The following ATRNL1 variants were observed in gnomAD, a reference collection of about 807,000 sequenced individuals.
ATRNL1 encodes attractin-like protein 1.
A neutral mutation model predicts 182.7 loss-of-function variants in ATRNL1; 95 were observed. The observed-to-expected ratio is 0.52, with a 90% CI of 0.44 to 0.62. The LOEUF is 0.62. Ranked by LOEUF, ATRNL1 falls within the 20% of genes least tolerant of loss-of-function variation. ATRNL1 has a pLI of 0.00. For synonymous variants in ATRNL1, 576 were observed against 568.3 expected (o/e 1.01, Z -0.19); for missense variants, 1,471 against 1,679.5 (o/e 0.88, Z 2.17).
intron 26 of ATRNL1, among the ~76,000 whole-genome samples, chr10:115,691,595 G>A (rs1296671794): frequency 2.6e-5 from 4 of 152,082 alleles, no homozygotes; most frequent in African/African-American, 9.7e-5. Flanking sequence ...GGTGGTGCAT[G>A]CCTGCAGTCC....
At chr10:115,939,738 G>C (rs192958739) in intron 28 of ATRNL1, among the ~76,000 whole-genome samples, 1 of 152,234 alleles carries the variant, frequency 6.6e-6, no homozygotes, top group East Asian at 1.9e-4. Context: ...GGAGTGACCT[G>C]ATTTTAATGG....
intron 26 of ATRNL1, among the ~76,000 whole-genome samples, chr10:115,709,590 G>A (rs765638448): frequency 1.6e-4 from 24 of 151,732 alleles, no homozygotes; most frequent in Non-Finnish European, 2.2e-4. Flanking sequence ...GAGATTTGAA[G>A]AAAAAGAAGG....
chr10:115,728,111 TAAAAAAAAAAAAAAAAGAA>T (rs1182640717), intron 27 of ATRNL1, among the ~76,000 whole-genome samples: 1 of 44,374 alleles, frequency 2.3e-5, no homozygotes, highest in African/African-American at 7.8e-5. Context: ...CCGTCTCTAC[TAAAAAAAAAAAAAAAAGAA>T]AAAAAAAAAA....
At chr10:115,211,180 T>G (rs566810799) in intron 8 of ATRNL1, among the ~76,000 whole-genome samples, 1 of 151,748 alleles carries the variant, frequency 6.6e-6, no homozygotes, top group Non-Finnish European at 1.5e-5. Context: ...TTCCTTCCTT[T>G]ATCTTTCTGT....
chr10:115,711,118 A>C (rs889844884), intron 26 of ATRNL1, among the ~76,000 whole-genome samples: 2 of 152,116 alleles, frequency 1.3e-5, no homozygotes, highest in Non-Finnish European at 2.9e-5. Context: ...ACTAACAGTT[A>C]ATTTGAAAAT....
chr10:115,385,550 G>A (rs1858291073), intron 19 of ATRNL1, among the ~76,000 whole-genome samples: 3 of 152,130 alleles, frequency 2.0e-5, no homozygotes, highest in South Asian at 2.1e-4. Flanking sequence ...CTTATAAAAC[G>A]AAGATGTTTT....
intron 24 of ATRNL1, among the ~76,000 whole-genome samples, chr10:115,510,375 C>A (rs1169804237): frequency 1.3e-5 from 2 of 151,968 alleles, no homozygotes; most frequent in Non-Finnish European, 2.9e-5. Flanking sequence ...TGGCAAATAT[C>A]ATTGTTGTCT....
chr10:115,493,508 C>T (rs1342366571), intron 24 of ATRNL1, among the ~76,000 whole-genome samples: 1 of 152,106 alleles, frequency 6.6e-6, no homozygotes, highest in East Asian at 1.9e-4. Flanking sequence ...CTTTATCCAG[C>T]CCACCACTGA....
intron 1 of ATRNL1, among the ~76,000 whole-genome samples, chr10:115,099,080 C>T (rs782716741): frequency 4.6e-4 from 70 of 152,192 alleles, no homozygotes; most frequent in Non-Finnish European, 8.2e-4. Flanking sequence ...CTTTGTAAAC[C>T]CTCCCTTTTC....
intron 26 of ATRNL1, among the ~76,000 whole-genome samples, chr10:115,725,821 A>G (rs1428351552): frequency 6.6e-6 from 1 of 152,184 alleles, no homozygotes; most frequent in Non-Finnish European, 1.5e-5. Context: ...TGAGAGAGGC[A>G]TAAACCAGAT....
intron 24 of ATRNL1, among the ~76,000 whole-genome samples, chr10:115,494,982 G>A (rs1339187138): frequency 6.6e-6 from 1 of 152,030 alleles, no homozygotes; most frequent in Non-Finnish European, 1.5e-5. Context: ...TTTTCTGGTA[G>A]GTAGACTTTT....
intron 26 of ATRNL1, among the ~76,000 whole-genome samples, chr10:115,697,586 A>G (rs1946603843): frequency 6.6e-6 from 1 of 152,164 alleles, no homozygotes; most frequent in Admixed American, 6.5e-5. Context: ...TTGGCCTCCC[A>G]AAGTGTTAGG....
At chr10:115,738,702 GAATT>G (rs1158092591) in intron 27 of ATRNL1, among the ~76,000 whole-genome samples, 3 of 152,058 alleles carry the variant, frequency 2.0e-5, no homozygotes, top group East Asian at 3.9e-4. Flanking sequence ...CATGAAATAA[GAATT>G]AAGTAATGGT....
chr10:115,710,982 A>G (rs992565563), intron 26 of ATRNL1, among the ~76,000 whole-genome samples: 1 of 152,102 alleles, frequency 6.6e-6, no homozygotes, highest in East Asian at 1.9e-4. Context: ...ATTTATGAAT[A>G]TCTGGTGTTC....
chr10:115,848,105 G>C, intron 28 of ATRNL1, 114 bp downstream of exon 28: 1 of 640,328 alleles, frequency 1.6e-6, no homozygotes, highest in South Asian at 1.9e-5. Flanking sequence ...CTAATTTAGA[G>C]CATGGTAAAA....
intron 28 of ATRNL1, among the ~76,000 whole-genome samples, chr10:115,886,717 TA>T (rs1342789194): frequency 2.2e-4 from 34 of 152,358 alleles, no homozygotes; most frequent in Non-Finnish European, 1.8e-4. Context: ...ACAGTAAAAT[TA>T]ATTTAAGTCA....
chr10:115,736,552 T>C (rs1200148052), intron 27 of ATRNL1, among the ~76,000 whole-genome samples: 2 of 152,156 alleles, frequency 1.3e-5, no homozygotes, highest in Non-Finnish European at 2.9e-5. Flanking sequence ...TTATTTCTGC[T>C]GGCCCTCAAT....
intron 26 of ATRNL1, among the ~76,000 whole-genome samples, chr10:115,703,195 C>T (rs1486081513): frequency 2.0e-5 from 3 of 151,950 alleles, no homozygotes; most frequent in African/African-American, 7.2e-5. Context: ...GCTGGCATAG[C>T]TGGCTAACCA....
At chr10:115,919,679 A>G (rs184281536) in intron 28 of ATRNL1, among the ~76,000 whole-genome samples, 7 of 152,250 alleles carry the variant, frequency 4.6e-5, no homozygotes, top group Admixed American at 3.9e-4. Context: ...GTCTTAGTCC[A>G]TGGGCTGTTA....
Sources: allele counts gnomAD v4.1 joint callset (sites outside exome capture counted in the v4.1 genomes callset), GRCh38; gene constraint gnomAD v4.1.1; transcripts MANE v1.5; gene names NCBI Gene and HGNC (gene_info 2026-07-23, HGNC 2026-07-21).